NEK1: variants seen among roughly 807,000 people sequenced by gnomAD.
NEK1 encodes the protein serine/threonine-protein kinase Nek1.
Under a neutral mutation model 182.1 loss-of-function variants are expected in NEK1, and 137 were observed. The ratio of observed to expected loss-of-function variants is 0.75; its 90% confidence interval spans 0.65 to 0.87. NEK1 has a LOEUF of 0.87. NEK1 is among the 40% of genes least tolerant of loss of function. The pLI, the probability that NEK1 is intolerant of heterozygous loss-of-function variation, is 0.00. For synonymous variants in NEK1, 513 were observed against 492.2 expected (o/e 1.04, Z -0.56); for missense variants, 1,391 against 1,494.4 (o/e 0.93, Z 1.14).
intron 18 of NEK1, among the ~76,000 whole-genome samples, chr4:169,552,109 G>C (rs1230494623): frequency 6.6e-6 from 1 of 152,086 alleles, no homozygotes; most frequent in Non-Finnish European, 1.5e-5. Context: ...CTCCATGTCA[G>C]TGAAAAGATT....
chr4:169,546,984 A>T (rs908243736), intron 18 of NEK1, among the ~76,000 whole-genome samples: 4 of 152,212 alleles, frequency 2.6e-5, no homozygotes, highest in African/African-American at 9.7e-5. Flanking sequence ...TTTAAGGCTA[A>T]TATTGTTATG....
intron 7 of NEK1, 41 bp downstream of exon 7, chr4:169,589,398 AGGTTCGCT>A (rs1404552094): frequency 2.0e-6 from 2 of 1,010,190 alleles, no homozygotes; most frequent in Middle Eastern, 4.1e-4. Flanking sequence ...CATGGATTGA[AGGTTCGCT>A]GAAAACATTA....
chr4:169,426,995 T>A (rs569048795), intron 29 of NEK1, among the ~76,000 whole-genome samples: 1 of 152,300 alleles, frequency 6.6e-6, no homozygotes, highest in Admixed American at 6.5e-5. Flanking sequence ...GCATTTTTTT[T>A]AAACAAAAAT....
intron 27 of NEK1, among the ~76,000 whole-genome samples, chr4:169,453,437 C>A (rs1315338151): frequency 1.3e-5 from 2 of 152,204 alleles, no homozygotes; most frequent in Non-Finnish European, 2.9e-5. Context: ...GTACAAGCCC[C>A]CCAAAATCTG....
chr4:169,535,438 C>T (rs557228132), intron 19 of NEK1, among the ~76,000 whole-genome samples: 8 of 151,354 alleles, frequency 5.3e-5, no homozygotes, highest in African/African-American at 1.9e-4. Context: ...ATAGAACAAC[C>T]CAAAATGAAA....
rs575801840 is a variant in NEK1, at chr4:169,459,882, GGAGGGATAATATAAGCA to G, written c.2587+3344_2587+3360del. ...GTGGTTGCCAGGGTTTGGAAGAAAG[GGAGGGATAATATAAGCA>G]GAGCACAGGGGATTCTTGGGGCAGC... On this transcript the variant is annotated intron_variant, in intron 27 of 35. Coordinates refer to ENST00000507142, the MANE Select transcript of NEK1 (RefSeq NM_001199397.3). Among the ~76,000 whole-genome samples the G allele has an allele frequency of 4.5e-4, 68 of 152,264 alleles. 3 individuals carry two copies. In the East Asian group the frequency reaches 0.011, roughly 25 times the overall value.
intron 11 of NEK1, among the ~76,000 whole-genome samples, chr4:169,577,710 C>T (rs1018014658): frequency 6.6e-5 from 10 of 151,966 alleles, no homozygotes; most frequent in Non-Finnish European, 1.0e-4. Context: ...GCCGAGATTG[C>T]GCCACTGCAC....
chr4:169,494,925 G>A (rs529186943), intron 23 of NEK1, among the ~76,000 whole-genome samples: 13 of 152,162 alleles, frequency 8.5e-5, no homozygotes, highest in South Asian at 4.2e-4. Context: ...CATATCCTTC[G>A]CCCACTTTGT....
At chr4:169,399,341 C>CTG (rs1471581997) in intron 35 of NEK1, among the ~76,000 whole-genome samples, 1 of 152,072 alleles carries the variant, frequency 6.6e-6, no homozygotes, top group African/African-American at 2.4e-5. Context: ...CTTTGGGAGG[C>CTG]TGAGGTGTGT....
At chr4:169,573,536 ATTGGTAATAATGGAAGAGAGG>A (rs1765198351) in intron 12 of NEK1, among the ~76,000 whole-genome samples, 1 of 152,156 alleles carries the variant, frequency 6.6e-6, no homozygotes, top group Admixed American at 6.5e-5. Context: ...TTTTTTGGTT[ATTGGTAATAATGGAAGAGAGG>A]GCAAGAGAGC....
At position 169,507,893 on chromosome 4, in the gene NEK1, A is replaced by G; in HGVS notation, c.1834-101T>C. The G allele has an allele frequency of 3.3e-6, 3 of 899,280 alleles. No homozygotes were observed. In the South Asian group the frequency reaches 4.8e-5, roughly 14 times the overall value. 55.7% of individuals were successfully genotyped at this position (899,280 alleles called of 1,614,324 possible). A position where few individuals can be genotyped will look rare whatever the true frequency, so the allele number is the denominator to read the frequency against. ...AATGAATAAACTAAAATCTAAAAAT[A>G]TAAAATGGAAATCATTTAATGCTGT... is the stretch of plus-strand genomic sequence containing the variant. On this transcript the variant is annotated intron_variant, in intron 21 of 35. Transcript: ENST00000507142.
intron 32 of NEK1, among the ~76,000 whole-genome samples, chr4:169,404,612 A>G (rs1003207715): frequency 9.9e-5 from 15 of 152,146 alleles, no homozygotes; most frequent in African/African-American, 3.4e-4. Flanking sequence ...CTAATATTTT[A>G]TAACTTTTTA....
intron 5 of NEK1, among the ~76,000 whole-genome samples, chr4:169,593,677 G>A (rs1768924658): frequency 6.6e-6 from 1 of 152,176 alleles, no homozygotes; most frequent in Non-Finnish European, 1.5e-5. Flanking sequence ...GGACTTGGAG[G>A]AGAGGGAAGC....
chr4:169,574,155 C>T (rs1038503488), intron 12 of NEK1, among the ~76,000 whole-genome samples: 4 of 151,818 alleles, frequency 2.6e-5, no homozygotes, highest in Non-Finnish European at 4.4e-5. Flanking sequence ...AAGACTCTTT[C>T]TCAAAAAGAA....
In NEK1 at chr4:169,577,850, CATTA is replaced by C. The variant is rs200922117; in HGVS notation, c.869-775_869-772del. Among the ~76,000 whole-genome samples the C allele has an allele frequency of 1.1e-3, 161 of 152,052 alleles. 1 individual carries two copies. The highest frequency in any genetic ancestry group is 8.3e-3 in the East Asian group (43 of 5,180). ...AAGATAATCAAGAGCCACTGTTAAG[CATTA>C]ATTACATCAATATAAGCAACTTTTT... is the stretch of plus-strand genomic sequence containing the variant. On this transcript the variant is annotated intron_variant, in intron 11 of 35. Transcript: ENST00000507142.
chr4:169,514,729 C>T (rs552606872), intron 19 of NEK1, among the ~76,000 whole-genome samples: 1 of 152,038 alleles, frequency 6.6e-6, no homozygotes, highest in Non-Finnish European at 1.5e-5. Context: ...TGGTGATTTG[C>T]GTCTTTTTTA....
intron 12 of NEK1, 136 bp from the exon 13 acceptor site, chr4:169,562,332 TAA>T (rs11381394): frequency 3.0e-5 from 14 of 472,484 alleles, no homozygotes; most frequent in Non-Finnish European, 4.0e-5. Context: ...TACATTATCT[TAA>T]AAAAAAAAAT....
At chr4:169,446,375 T>C (rs1036082663) in intron 27 of NEK1, among the ~76,000 whole-genome samples, 1 of 152,098 alleles carries the variant, frequency 6.6e-6, no homozygotes, top group Non-Finnish European at 1.5e-5. Flanking sequence ...CAAAGTACCA[T>C]GTGAAACTAT....
intron 19 of NEK1, among the ~76,000 whole-genome samples, chr4:169,528,502 T>C (rs1373367290): frequency 6.6e-6 from 1 of 152,204 alleles, no homozygotes; most frequent in South Asian, 2.1e-4. Context: ...TAAGAATGCA[T>C]ACTGGCTGAC....
Sources: allele counts gnomAD v4.1 joint callset (sites outside exome capture counted in the v4.1 genomes callset), GRCh38; gene constraint gnomAD v4.1.1; transcripts MANE v1.5; gene names NCBI Gene and HGNC (gene_info 2026-07-23, HGNC 2026-07-21).